AMN1: variants seen among roughly 807,000 people sequenced by gnomAD.
AMN1 encodes protein AMN1 homolog.
AMN1 carries 20 observed loss-of-function variants against 33.0 expected under a neutral mutation model. That is an observed-to-expected ratio of 0.61 (90% CI 0.43 to 0.88). The LOEUF (loss-of-function observed/expected upper bound fraction) is 0.88. Among genes scored for constraint, AMN1 ranks in the 40% least tolerant of loss-of-function variants. The pLI, the probability that AMN1 is intolerant of heterozygous loss-of-function variation, is 0.00. For missense variants in AMN1, 246 were observed against 307.4 expected (o/e 0.80, Z 1.49); for synonymous variants, 114 against 111.9 (o/e 1.02, Z -0.12).
intron 5 of AMN1, among the ~76,000 whole-genome samples, chr12:31,693,375 C>G (rs769859162): frequency 3.9e-5 from 6 of 151,910 alleles, no homozygotes; most frequent in African/African-American, 1.5e-4. Flanking sequence ...TACAGGCATG[C>G]ACCACCATGC....
intron 1 of AMN1, among the ~76,000 whole-genome samples, chr12:31,721,369 G>C (rs921553473): frequency 4.6e-5 from 7 of 152,112 alleles, no homozygotes; most frequent in African/African-American, 1.7e-4. Context: ...GACAGCAAGA[G>C]GGAAATATCA....
At chr12:31,685,184 A>G (rs994072101) in intron 6 of AMN1, among the ~76,000 whole-genome samples, 11 of 151,848 alleles carry the variant, frequency 7.2e-5, no homozygotes, top group Non-Finnish European at 1.3e-4. Context: ...ACCCAGCCCC[A>G]CACTCAACTA....
rs1453760289 is a variant in AMN1 at position 31,687,985 on chromosome 12, G to A, written c.703+1022C>T. ...GTTTGTTTGTTTGAGACGGAGTTTC[G>A]CTCTTGTTGCCCAGGCTGGAATGCA... is the stretch of plus-strand genomic sequence containing the variant. On this transcript the variant is annotated intron_variant, in intron 6 of 6. Transcript: ENST00000281471. This position sits in a 1 kb window ranked among gnomAD's most constrained non-coding sequence, Gnocchi z 4.1. Among the ~76,000 whole-genome samples, 5 of 152,030 alleles carry A rather than the reference G, an allele frequency of 3.3e-5. No individual in the cohort carries two copies. The highest frequency in any genetic ancestry group is 4.8e-5 in the African/African-American group (2 of 41,412).
intron 3 of AMN1, 26 bp downstream of exon 3, chr12:31,701,837 A>C (rs1939016240): frequency 6.4e-7 from 1 of 1,570,248 alleles, no homozygotes. Flanking sequence ...GTAATCTACC[A>C]ATGTACTCAG....
chr12:31,707,387 G>C (rs1939286834), intron 2 of AMN1, among the ~76,000 whole-genome samples: 1 of 152,180 alleles, frequency 6.6e-6, no homozygotes, highest in Non-Finnish European at 1.5e-5. Context: ...GCTAATGGGA[G>C]CTGACCAGAA....
chr12:31,718,422 T>A (rs1312162271), intron 1 of AMN1, among the ~76,000 whole-genome samples: 1 of 152,098 alleles, frequency 6.6e-6, no homozygotes, highest in Non-Finnish European at 1.5e-5. Context: ...TGTCAACTCG[T>A]CAAACTCATT....
intron 1 of AMN1, among the ~76,000 whole-genome samples, chr12:31,717,129 C>T (rs1237744015): frequency 1.2e-4 from 18 of 152,088 alleles, no homozygotes; most frequent in Admixed American, 1.1e-3. Context: ...CCACAGGCCC[C>T]GGTGTGTGTT....
chr12:31,702,296 A>G (rs1367121730), intron 2 of AMN1, among the ~76,000 whole-genome samples: 1 of 152,202 alleles, frequency 6.6e-6, no homozygotes, highest in East Asian at 1.9e-4. Context: ...AGCTTAACCA[A>G]TGTGGCAGTG....
At chr12:31,702,090 A>C (rs980045371) in intron 2 of AMN1, 83 bp from the exon 3 acceptor site, 1 of 1,247,262 alleles carries the variant, frequency 8.0e-7, no homozygotes, top group Non-Finnish European at 1.1e-6. Flanking sequence ...TTTGGTGGTC[A>C]TAACAGACAA....
chr12:31,689,762 T>C (rs926191621), intron 5 of AMN1, among the ~76,000 whole-genome samples: 43 of 152,358 alleles, frequency 2.8e-4, no homozygotes, highest in Non-Finnish European at 5.7e-4. Context: ...TTTTAAATTT[T>C]TTAAAAATTT....
At chr12:31,719,902 C>A (rs866395919) in intron 1 of AMN1, among the ~76,000 whole-genome samples, 1 of 152,196 alleles carries the variant, frequency 6.6e-6, no homozygotes, top group East Asian at 1.9e-4. Flanking sequence ...TACAATGGAA[C>A]CTTTTGTTTG....
At chr12:31,722,681 A>G (rs1462286470) in intron 1 of AMN1, among the ~76,000 whole-genome samples, 3 of 152,170 alleles carry the variant, frequency 2.0e-5, no homozygotes, top group Non-Finnish European at 2.9e-5. Context: ...TTCTCCAAAC[A>G]ATGACTCCAA....
In AMN1 at chr12:31,672,144, A is replaced by C; in HGVS notation, c.*160T>G. 1.7e-6 allele frequency: 1 copy of C among 589,520 alleles called. No individual in the cohort carries two copies. Among genetic ancestry groups the C allele is most frequent in the Non-Finnish European group, 3.0e-6 (1 of 330,386 alleles). The allele number at this position is 589,520 out of a possible 1,614,324, so 36.5% of individuals were successfully genotyped here. The stretch of plus-strand genomic sequence containing the variant: ...TTTAAGAGTAAAGCACAAACCATGT[A>C]TATACCAAGACTTAGCTAATTCTCT... On this transcript the variant is annotated 3_prime_UTR_variant, in exon 7 of 7. Coordinates refer to ENST00000281471, the MANE Select transcript of AMN1 (RefSeq NM_001113402.2).
chr12:31,711,732 ATTCTC>A (rs2139712933), intron 1 of AMN1, among the ~76,000 whole-genome samples: 1 of 152,310 alleles, frequency 6.6e-6, no homozygotes, highest in South Asian at 2.1e-4. Flanking sequence ...CATTCAAATT[ATTCTC>A]TTCTAACCAT....
chr12:31,682,088 C>T (rs1326208317), intron 6 of AMN1, among the ~76,000 whole-genome samples: 3 of 152,138 alleles, frequency 2.0e-5, no homozygotes, highest in African/African-American at 7.2e-5. Context: ...GTGTTCTGTG[C>T]TAGAAATTTG....
chr12:31,701,688 A>G (rs1264319012), intron 3 of AMN1, among the ~76,000 whole-genome samples, 175 bp downstream of exon 3: 1 of 152,184 alleles, frequency 6.6e-6, no homozygotes, highest in Non-Finnish European at 1.5e-5. Context: ...CACTGATTAT[A>G]AGCAAGAATT....
Position 31,719,917 on chromosome 12 carries a change from A to G in AMN1, c.38+9054T>C, listed in dbSNP as rs374663704. Among the ~76,000 whole-genome samples, 11 of 152,270 alleles carry G rather than the reference A, an allele frequency of 7.2e-5. 1 individual carries two copies. The highest frequency in any genetic ancestry group is 1.9e-4 in the East Asian group (1 of 5,186). On this transcript the variant is annotated intron_variant, in intron 1 of 6. Transcript: ENST00000281471. ...TACAATGGAACCTTTTGTTTGTGCA[A>G]TTTATTCAAGTGGTTGCATGCGGCC...
intron 1 of AMN1, among the ~76,000 whole-genome samples, chr12:31,720,023 A>C (rs534207575): frequency 6.6e-6 from 1 of 152,338 alleles, no homozygotes; most frequent in Non-Finnish European, 1.5e-5. Flanking sequence ...CATTGTGTGA[A>C]TATACTACAT....
chr12:31,672,622 T>C, intron 6 of AMN1: 1 of 359,030 alleles, frequency 2.8e-6, no homozygotes, highest in Non-Finnish European at 5.1e-6. Flanking sequence ...CATTTGTTGT[T>C]TTCTCTGTAA....
Sources: allele counts gnomAD v4.1 joint callset (sites outside exome capture counted in the v4.1 genomes callset), GRCh38; gene constraint gnomAD v4.1.1; non-coding constraint Gnocchi (gnomAD v3.1); transcripts MANE v1.5; gene names NCBI Gene and HGNC (gene_info 2026-07-23, HGNC 2026-07-21).